The following MTUS2 variants were observed in gnomAD, a reference collection of about 807,000 sequenced individuals.
MTUS2 encodes the protein microtubule-associated tumor suppressor candidate 2.
Under a neutral mutation model 114.1 loss-of-function variants are expected in MTUS2, and 40 were observed. That is an observed-to-expected ratio of 0.35 (90% CI 0.27 to 0.46). MTUS2 has a LOEUF of 0.46. Among genes scored for constraint, MTUS2 ranks in the 20% least tolerant of loss-of-function variants. The pLI, the probability that MTUS2 is intolerant of heterozygous loss-of-function variation, is 1.00. For synonymous variants in MTUS2, 688 were observed against 672.0 expected (o/e 1.02, Z -0.37); for missense variants, 1,679 against 1,705.4 (o/e 0.98, Z 0.27).
intron 8 of MTUS2, among the ~76,000 whole-genome samples, chr13:29,388,149 C>T (rs1253384566): frequency 6.6e-6 from 1 of 152,062 alleles, no homozygotes; most frequent in Non-Finnish European, 1.5e-5. Flanking sequence ...GGCAGATGAC[C>T]AGGATGGGGA....
rs202057703 is a variant in MTUS2 at position 28,965,645 on chromosome 13, T to C, written c.-242-58812T>C. On this transcript the variant is annotated intron_variant, in intron 2 of 15. Coordinates refer to ENST00000612955, the MANE Select transcript of MTUS2 (RefSeq NM_001033602.4). ...GTGTGTATATATATGATAAGAGAGG[T>C]TTATTTTAAGGAATTGGCTCATCAA... 9.2e-5 allele frequency among the ~76,000 whole-genome samples: 14 copies of C among 152,190 alleles called. No homozygotes were observed. The East Asian group carries it at 2.5e-3, about 27-fold the overall frequency.
intron 9 of MTUS2, among the ~76,000 whole-genome samples, chr13:29,479,424 G>A (rs908762587): frequency 2.0e-5 from 3 of 152,228 alleles, no homozygotes; most frequent in Non-Finnish European, 4.4e-5. Flanking sequence ...TGGAGAGTGA[G>A]CTCAGGCAGG....
rs1386877945 is a variant in MTUS2 at position 29,317,433 on chromosome 13, T to TC, written c.2807-7180_2807-7179insC. ...CTTGTGCGCGCGCTCTCTCTCTCTC[T>TC]TTTTTTTTTTTTTTTTGAGACGGAG... On this transcript the variant is annotated intron_variant, in intron 6 of 15. Coordinates refer to ENST00000612955, the MANE Select transcript of MTUS2 (RefSeq NM_001033602.4). 1.9e-3 allele frequency among the ~76,000 whole-genome samples: 84 copies of TC among 43,390 alleles called. 5 individuals carry two copies. Among genetic ancestry groups the TC allele is most frequent in the Non-Finnish European group, 2.7e-3 (65 of 23,928 alleles). The allele number at this position is 43,390 out of a possible 152,430, so 28.5% of individuals were successfully genotyped here.
At chr13:29,144,018 C>T (rs1488116675) in intron 5 of MTUS2, among the ~76,000 whole-genome samples, 1 of 152,166 alleles carries the variant, frequency 6.6e-6, no homozygotes, top group Non-Finnish European at 1.5e-5. Flanking sequence ...CTATTCAGTA[C>T]ACACTGACCA....
intron 8 of MTUS2, among the ~76,000 whole-genome samples, chr13:29,388,372 T>G (rs2138402205): frequency 6.6e-6 from 1 of 151,794 alleles, no homozygotes; most frequent in South Asian, 2.1e-4. Flanking sequence ...CTTGATCGAA[T>G]GTAGCAACTT....
chr13:28,852,724 G>A (rs1175421896), intron 2 of MTUS2, among the ~76,000 whole-genome samples: 3 of 152,104 alleles, frequency 2.0e-5, no homozygotes, highest in Admixed American at 2.0e-4. Context: ...AATTAGCCAG[G>A]TGTGGTGGCA....
chr13:29,139,498 T>A (rs1408814160), intron 5 of MTUS2, among the ~76,000 whole-genome samples: 1 of 152,228 alleles, frequency 6.6e-6, no homozygotes, highest in Non-Finnish European at 1.5e-5. Flanking sequence ...ATTTGAGATG[T>A]TTATTATGAT....
intron 2 of MTUS2, among the ~76,000 whole-genome samples, chr13:28,913,455 G>C (rs758421579): frequency 6.6e-6 from 1 of 152,146 alleles, no homozygotes; most frequent in Non-Finnish European, 1.5e-5. Context: ...GCGTCACGGG[G>C]ATGAAGCTAA....
At chr13:29,416,348 A>G (rs1017381265) in intron 8 of MTUS2, among the ~76,000 whole-genome samples, 50 of 151,652 alleles carry the variant, frequency 3.3e-4, no homozygotes, top group African/African-American at 1.2e-3. Context: ...CATTATTTCT[A>G]TTTGTCAAGA....
intron 8 of MTUS2, among the ~76,000 whole-genome samples, chr13:29,403,942 A>T (rs1874549806): frequency 6.6e-6 from 1 of 151,738 alleles, no homozygotes; most frequent in African/African-American, 2.4e-5. Flanking sequence ...CTTCCAGGAC[A>T]TTCCATCTAA....
chr13:28,844,872 T>C (rs565393533), intron 2 of MTUS2, among the ~76,000 whole-genome samples: 24 of 152,258 alleles, frequency 1.6e-4, no homozygotes, highest in Non-Finnish European at 2.9e-4. Flanking sequence ...CTGCCTTGGC[T>C]CCCCAGAGTG....
At chr13:29,046,629 C>G (rs1438410165) in intron 4 of MTUS2, among the ~76,000 whole-genome samples, 1 of 152,224 alleles carries the variant, frequency 6.6e-6, no homozygotes, top group Non-Finnish European at 1.5e-5. Context: ...ATCTTGCCAG[C>G]TGATACTGGC....
At chr13:28,845,960 T>C (rs1875851820) in intron 2 of MTUS2, among the ~76,000 whole-genome samples, 1 of 151,740 alleles carries the variant, frequency 6.6e-6, no homozygotes, top group African/African-American at 2.4e-5. Context: ...AAATGAAGCC[T>C]CATTTAAGTC....
chr13:28,872,108 A>G (rs1877652455), intron 2 of MTUS2, among the ~76,000 whole-genome samples: 1 of 152,194 alleles, frequency 6.6e-6, no homozygotes, highest in Admixed American at 6.5e-5. Flanking sequence ...CATGGTTATA[A>G]GTGGGTATTA....
intron 2 of MTUS2, among the ~76,000 whole-genome samples, chr13:28,883,942 G>C (rs574054099): frequency 6.6e-6 from 1 of 152,114 alleles, no homozygotes; most frequent in South Asian, 2.1e-4. Context: ...TTGGCTGGGG[G>C]GAATGTGAAA....
chr13:29,283,907 G>T (rs1443286849), intron 6 of MTUS2, among the ~76,000 whole-genome samples: 1 of 152,170 alleles, frequency 6.6e-6, no homozygotes, highest in Non-Finnish European at 1.5e-5. Flanking sequence ...CCAAAAGTTT[G>T]ACAACATATT....
chr13:29,102,963 A>T (rs6490351), intron 5 of MTUS2, among the ~76,000 whole-genome samples: 102,196 of 152,012 alleles, frequency 0.67, 35,061 homozygotes, highest in Non-Finnish European at 0.74. Context: ...TTCTTTCTTG[A>T]GTTTACAGAG....
chr13:29,416,148 T>G (rs1285469583), intron 8 of MTUS2, among the ~76,000 whole-genome samples: 1 of 150,728 alleles, frequency 6.6e-6, no homozygotes, highest in Non-Finnish European at 1.5e-5. Flanking sequence ...AGGCTGGTCT[T>G]GAACTCTTGA....
intron 5 of MTUS2, among the ~76,000 whole-genome samples, chr13:29,186,013 C>T (rs1894208124): frequency 6.6e-6 from 1 of 151,994 alleles, no homozygotes; most frequent in Admixed American, 6.6e-5. Flanking sequence ...TTGATTGAGA[C>T]CAGCCAAGGA....
Sources: allele counts gnomAD v4.1 joint callset (sites outside exome capture counted in the v4.1 genomes callset), GRCh38; gene constraint gnomAD v4.1.1; transcripts MANE v1.5; gene names NCBI Gene and HGNC (gene_info 2026-07-23, HGNC 2026-07-21).